Variants in MRPL45 observed in about 807,000 individuals in gnomAD.
MRPL45 encodes the protein large ribosomal subunit protein mL45.
Under a neutral mutation model 38.1 loss-of-function variants are expected in MRPL45, and 20 were observed. That is an observed-to-expected ratio of 0.53 (90% CI 0.37 to 0.76). The LOEUF (loss-of-function observed/expected upper bound fraction) is 0.76. MRPL45 is among the 30% of genes least tolerant of loss of function. The probability of loss-of-function intolerance (pLI) is 0.00; values close to 1 mark genes in which losing one functional copy is unlikely to be tolerated. For synonymous variants in MRPL45, 105 were observed against 128.8 expected, an observed-to-expected ratio of 0.82 and a Z score of 1.25; for missense variants, 337 against 395.6, an observed-to-expected ratio of 0.85 and a Z score of 1.26.
chr17:38,299,817 A>G (rs558641469), intron 3 of MRPL45, among the ~76,000 whole-genome samples: 2 of 151,514 alleles, frequency 1.3e-5, no homozygotes, highest in African/African-American at 4.8e-5. Flanking sequence ...GCTCACCGCA[A>G]CCTCCGCCTC....
chr17:38,302,947 G>A (rs893247988), intron 3 of MRPL45, among the ~76,000 whole-genome samples: 4 of 150,556 alleles, frequency 2.7e-5, no homozygotes, highest in Non-Finnish European at 5.9e-5. Context: ...CTGGACTCCT[G>A]ACCTCAGGTG....
At chr17:38,307,719 T>A (rs1439036731) in intron 4 of MRPL45, among the ~76,000 whole-genome samples, 1 of 152,184 alleles carries the variant, frequency 6.6e-6, no homozygotes, top group Non-Finnish European at 1.5e-5. Context: ...GGCTGGAATA[T>A]CTTAAGTACT....
At position 38,302,237 on chromosome 17, in the gene MRPL45, C is replaced by A. The variant is rs2037004074; in HGVS notation, c.362+2769C>A. ...AGGTGGCTCACAACTGTAATCCCAG[C>A]ACTTTGGGAAGCCAAGGCTGGTGGA... is the stretch of plus-strand genomic sequence containing the variant. On this transcript the variant is annotated intron_variant, in intron 3 of 7. Transcript: ENST00000613675. Among the ~76,000 whole-genome samples the A allele has an allele frequency of 2.0e-5, 3 of 151,604 alleles. No individual in the cohort carries two copies. In the South Asian group the frequency reaches 6.2e-4, roughly 32 times the overall value.
At chr17:38,304,817 C>T (rs2037034545) in intron 3 of MRPL45, among the ~76,000 whole-genome samples, 1 of 149,882 alleles carries the variant, frequency 6.7e-6, no homozygotes, top group African/African-American at 2.5e-5. Flanking sequence ...GCTGGGATTA[C>T]AGACCTGAGT....
At chr17:38,307,517 C>CT (rs1261104559) in intron 4 of MRPL45, among the ~76,000 whole-genome samples, 76 of 151,578 alleles carry the variant, frequency 5.0e-4, no homozygotes, top group Middle Eastern at 3.4e-3. Context: ...TTAAAATAAA[C>CT]TTTTTTTTGT....
chr17:38,297,584 G>A (rs1343475144), intron 1 of MRPL45, among the ~76,000 whole-genome samples: 1 of 152,142 alleles, frequency 6.6e-6, no homozygotes, highest in Non-Finnish European at 1.5e-5. Flanking sequence ...CTACGTTGAA[G>A]AGTAGCCGAA....
At chr17:38,302,513 T>G (rs55812161) in intron 3 of MRPL45, among the ~76,000 whole-genome samples, 7 of 144,674 alleles carry the variant, frequency 4.8e-5, no homozygotes, top group Non-Finnish European at 7.6e-5. Flanking sequence ...AAAGTTTGTT[T>G]TTTTTTTTTT....
chr17:38,317,578 T>C (rs968649566), intron 4 of MRPL45, among the ~76,000 whole-genome samples: 1 of 151,994 alleles, frequency 6.6e-6, no homozygotes, highest in Non-Finnish European at 1.5e-5. Flanking sequence ...TTGTTTTGTT[T>C]TGTTTTTTTT....
At chr17:38,302,486 CAAAAAAAAAAAAAA>C (rs1301214106) in intron 3 of MRPL45, among the ~76,000 whole-genome samples, 2 of 55,756 alleles carry the variant, frequency 3.6e-5, no homozygotes, top group Non-Finnish European at 6.1e-5. Context: ...GACTCCATCT[CAAAAAAAAAAAAAA>C]AAAAAGTTTG....
At chr17:38,302,995 G>C (rs1439063274) in intron 3 of MRPL45, among the ~76,000 whole-genome samples, 2 of 151,010 alleles carry the variant, frequency 1.3e-5, no homozygotes, top group Non-Finnish European at 2.9e-5. Context: ...TGGCATTACA[G>C]GCGTGAGGCA....
chr17:38,317,758 A>G (rs2144235483), intron 4 of MRPL45, among the ~76,000 whole-genome samples: 1 of 151,376 alleles, frequency 6.6e-6, no homozygotes, highest in East Asian at 2.0e-4. Flanking sequence ...TATTTTTAGT[A>G]GAGATGGGGT....
chr17:38,297,203 A>C lies in MRPL45; in HGVS notation c.20A>C (p.Gln7Pro), dbSNP rs779609640. The change falls in exon 1 of 8, where the codon CAA becomes CCA. Residue 7 changes from glutamine to proline, a missense_variant. Physicochemically the swap from Gln to Pro is moderately conservative, Grantham distance 76. Transcript: ENST00000613675. Reference sequence around the variant, plus strand: ...AACAAGATGGCAGCCCCCATACCTCAAGGGTTCTCTTGTTTATCGAGGTTT... The same window carrying C: ...AACAAGATGGCAGCCCCCATACCTCCAGGGTTCTCTTGTTTATCGAGGTTT... MAAPIPQGFSCLSRFLG... is the reference protein window; with the variant it reads MAAPIPPGFSCLSRFLG... The C allele has an allele frequency of 1.9e-6, 3 of 1,613,948 alleles. No homozygotes were observed. Among genetic ancestry groups the C allele is most frequent in the Non-Finnish European group, 2.5e-6 (3 of 1,179,982 alleles).
At chr17:38,321,556 T>C (rs934654934) in intron 6 of MRPL45, among the ~76,000 whole-genome samples, 53 of 152,136 alleles carry the variant, frequency 3.5e-4, no homozygotes, top group African/African-American at 1.3e-3. Flanking sequence ...CCGGGCATCA[T>C]GGTGTGTGCC....
intron 4 of MRPL45, among the ~76,000 whole-genome samples, chr17:38,317,491 G>A (rs932819944): frequency 2.6e-5 from 4 of 152,130 alleles, no homozygotes; most frequent in African/African-American, 7.2e-5. Context: ...CCTTAGGTTT[G>A]AGACTCATCA....
At chr17:38,322,086 C>G in intron 6 of MRPL45, 40 bp from the exon 7 acceptor site, 3 of 1,595,348 alleles carry the variant, frequency 1.9e-6, no homozygotes, top group Non-Finnish European at 2.6e-6. Context: ...ACTCACACAC[C>G]AAAAAAACTA....
Position 38,317,091 on chromosome 17 carries a change from C to T in MRPL45, c.462-1596C>T, listed in dbSNP as rs114705041. On this transcript the variant is annotated intron_variant, in intron 4 of 7. Transcript: ENST00000613675. ...GATTACAGGCATGAGCCACCGCACC[C>T]GGCCCATAAATCCACCATTTCTAAA... Among the ~76,000 whole-genome samples the T allele has an allele frequency of 5.2e-3, 790 of 152,242 alleles. 6 individuals carry two copies. The highest frequency in any genetic ancestry group is 0.017 in the African/African-American group (725 of 41,540).
chr17:38,298,519 A>C lies in MRPL45; in HGVS notation c.137A>C (p.Tyr46Ser). The change falls in exon 2 of 8, where the codon TAT becomes TCT. Residue 46 changes from tyrosine to serine, a missense_variant. Tyr to Ser is a moderately radical substitution (Grantham distance 144). This residue lies in a region of MRPL45 where 60 missense variants were observed against 109.6 expected (regional missense o/e 0.55). Transcript: ENST00000613675. ...AAAAAACGTTTCACACCTCCTATTT[A>C]TCAACCTAAATTTAAAACAGAAAAG... ...RTKKRFTPPI[Y>S]QPKFKTEKEF... The C allele has an allele frequency of 6.2e-7, 1 of 1,613,932 alleles. No individual in the cohort carries two copies. Among genetic ancestry groups the C allele is most frequent in the Non-Finnish European group, 8.5e-7 (1 of 1,179,864 alleles).
chr17:38,311,942 TAC>T (rs1462550398), intron 4 of MRPL45, among the ~76,000 whole-genome samples: 1 of 152,132 alleles, frequency 6.6e-6, no homozygotes, highest in Non-Finnish European at 1.5e-5. Flanking sequence ...AGTGGAATCT[TAC>T]AGTTTTTGAC....
At chr17:38,313,185 G>A (rs1486809275) in intron 4 of MRPL45, among the ~76,000 whole-genome samples, 1 of 148,584 alleles carries the variant, frequency 6.7e-6, no homozygotes, top group East Asian at 2.0e-4. Flanking sequence ...GGGGTTTCAT[G>A]TGTTAGCCAG....
Sources: gnomAD v4.1 joint callset for allele counts (sites outside exome capture counted in the v4.1 genomes callset) on GRCh38, gnomAD v4.1.1 for gene constraint, gnomAD v4.1.1 regional missense constraint, MANE v1.5 for transcripts, NCBI Gene and HGNC (gene_info 2026-07-23, HGNC 2026-07-21) for gene names.